The following WBP4 variants were observed in gnomAD, a reference collection of about 807,000 sequenced individuals.
WBP4 encodes WW domain-binding protein 4.
Under a neutral mutation model 55.4 loss-of-function variants are expected in WBP4, and 37 were observed. The observed-to-expected ratio is 0.67, with a 90% CI of 0.51 to 0.88. The LOEUF (loss-of-function observed/expected upper bound fraction) is 0.88, where lower values mean the gene tolerates loss of function less well. Among genes scored for constraint, WBP4 ranks in the 40% least tolerant of loss-of-function variants. The pLI, the probability that WBP4 is intolerant of heterozygous loss-of-function variation, is 0.00. For missense variants in WBP4, 398 were observed against 420.8 expected (o/e 0.95, Z 0.47); for synonymous variants, 142 against 140.2 (o/e 1.01, Z -0.09).
intron 2 of WBP4, among the ~76,000 whole-genome samples, chr13:41,062,970 A>G (rs1010741586): frequency 6.6e-6 from 1 of 152,180 alleles, no homozygotes; most frequent in African/African-American, 2.4e-5. Flanking sequence ...TGGTCATATC[A>G]TTCATGTTAT....
In WBP4 at chr13:41,076,246, T is replaced by C. The variant is rs756926314; in HGVS notation, c.756+9T>C. The C allele has an allele frequency of 1.3e-6, 2 of 1,558,852 alleles. No homozygotes were observed. Among genetic ancestry groups the C allele is most frequent in the African/African-American group, 1.4e-5 (1 of 71,002 alleles). On this transcript the variant is annotated intron_variant, in intron 8 of 9. Coordinates refer to ENST00000379487, the MANE Select transcript of WBP4 (RefSeq NM_007187.5). ...CAAAAATAAAGTTTAAGGTAGGTTT[T>C]TAAATTTTACTCTTCACATCAAATT...
At chr13:41,068,882 A>G in intron 5 of WBP4, 145 bp downstream of exon 5, 1 of 871,004 alleles carries the variant, frequency 1.1e-6, no homozygotes. Flanking sequence ...AAGGTAAGAA[A>G]ACTGTGTGCC....
intron 7 of WBP4, 120 bp downstream of exon 7, chr13:41,072,977 A>T: frequency 1.5e-6 from 1 of 689,316 alleles, no homozygotes; most frequent in Non-Finnish European, 2.3e-6. Context: ...TTTGTGTAGT[A>T]AACATGAATT....
chr13:41,071,690 C>CG (rs1878253492), intron 6 of WBP4, 117 bp downstream of exon 6: 1 of 881,130 alleles, frequency 1.1e-6, no homozygotes, highest in African/African-American at 1.7e-5. Flanking sequence ...CCCTCCACCC[C>CG]CAAACTGTGT....
chr13:41,063,094 C>T (rs1483384869), intron 2 of WBP4, among the ~76,000 whole-genome samples: 1 of 152,086 alleles, frequency 6.6e-6, no homozygotes, highest in African/African-American at 2.4e-5. Flanking sequence ...ATTTTGTGGT[C>T]TAGAAATAAT....
intron 1 of WBP4, 125 bp from the exon 2 acceptor site, chr13:41,062,519 A>G (rs982508488): frequency 1.6e-5 from 14 of 863,816 alleles, no homozygotes; most frequent in Admixed American, 9.1e-5. Flanking sequence ...TAAAACGACT[A>G]TACATAACAA....
intron 6 of WBP4, among the ~76,000 whole-genome samples, chr13:41,071,812 G>A (rs1878258279): frequency 1.3e-5 from 2 of 152,036 alleles, no homozygotes; most frequent in Non-Finnish European, 2.9e-5. Context: ...GGAGGCTGAG[G>A]CATGTGGATC....
At chr13:41,079,387 T>G (rs1045213995) in intron 8 of WBP4, among the ~76,000 whole-genome samples, 4 of 151,972 alleles carry the variant, frequency 2.6e-5, no homozygotes, top group Non-Finnish European at 4.4e-5. Context: ...CTAACCAACA[T>G]GGTGAAACCC....
At position 41,067,142 on chromosome 13, in the gene WBP4, C is replaced by T. The variant is rs117152619; in HGVS notation, c.263-1419C>T. On this transcript the variant is annotated intron_variant, in intron 4 of 9. Coordinates refer to ENST00000379487, the MANE Select transcript of WBP4 (RefSeq NM_007187.5). ...AGTCCCAGCGATTTTTTGGTAGAGACGGGGTCTTGCCATGTTGCCCAGGCT... is the reference window on the plus strand; with the variant it reads ...AGTCCCAGCGATTTTTTGGTAGAGATGGGGTCTTGCCATGTTGCCCAGGCT... Among the ~76,000 whole-genome samples the T allele has an allele frequency of 2.8e-3, 428 of 152,172 alleles. 2 individuals are homozygous for T. The highest frequency in any genetic ancestry group is 4.4e-3 in the South Asian group (21 of 4,816).
chr13:41,062,377 G>T, intron 1 of WBP4: 3 of 852,208 alleles, frequency 3.5e-6, no homozygotes, highest in Non-Finnish European at 4.2e-6. Context: ...TTTTCATAAC[G>T]ATGACGATAA....
chr13:41,072,900 C>T (rs1471225617), intron 7 of WBP4, 43 bp downstream of exon 7: 1 of 1,502,106 alleles, frequency 6.7e-7, no homozygotes, highest in East Asian at 2.3e-5. Flanking sequence ...AAAATTGTAC[C>T]TGGAACTGCT....
At position 41,065,424 on chromosome 13, in the gene WBP4, G is replaced by A. The variant is rs970887325; in HGVS notation, c.262+137G>A. 5 of 1,245,430 alleles carry A rather than the reference G, an allele frequency of 4.0e-6. No homozygotes were observed. In the African/African-American group the frequency reaches 4.6e-5, roughly 11 times the overall value. 77.1% of individuals were successfully genotyped at this position (1,245,430 alleles called of 1,614,324 possible). ...CTCAGTGCTTTTATTATGCATCATA[G>A]CCCTGTTTAGACTATGGAAGTTTGC... On this transcript the variant is annotated intron_variant, in intron 4 of 9. Coordinates refer to ENST00000379487, the MANE Select transcript of WBP4 (RefSeq NM_007187.5).
In WBP4 at chr13:41,062,447, A is replaced by AGACTTTTTCTACTCC. The variant is rs1420462725; in HGVS notation, c.3-195_3-181dup. 4.1e-4 allele frequency among the ~76,000 whole-genome samples: 62 copies of AGACTTTTTCTACTCC among 152,316 alleles called. 1 individual carries two copies. Among genetic ancestry groups the AGACTTTTTCTACTCC allele is most frequent in the Middle Eastern group, 6.8e-3 (2 of 294 alleles). On this transcript the variant is annotated intron_variant, in intron 1 of 9. Transcript: ENST00000379487. ...GGGAGTTTTGTAATGAATCAGATAC[A>AGACTTTTTCTACTCC]GACTTTTTCTACTCCGCTGGCAACA...
intron 9 of WBP4, among the ~76,000 whole-genome samples, 178 bp from the exon 10 acceptor site, chr13:41,082,526 C>G (rs1269806490): frequency 6.6e-6 from 1 of 152,136 alleles, no homozygotes; most frequent in Non-Finnish European, 1.5e-5. Context: ...CAGCATTTAT[C>G]CACCTGAATA....
chr13:41,079,489 C>T (rs1361443299), intron 8 of WBP4, among the ~76,000 whole-genome samples: 2 of 146,116 alleles, frequency 1.4e-5, no homozygotes, highest in East Asian at 4.0e-4. Flanking sequence ...TTGCAGTAAG[C>T]CAAGATCATG....
intron 8 of WBP4, among the ~76,000 whole-genome samples, chr13:41,077,893 T>C (rs1878574494): frequency 6.6e-6 from 1 of 151,696 alleles, no homozygotes; most frequent in Non-Finnish European, 1.5e-5. Context: ...CAATCCCATT[T>C]GTGGTAACTA....
Position 41,076,027 on chromosome 13 carries a change from T to C in WBP4, c.563-17T>C. The stretch of plus-strand genomic sequence containing the variant: ...AATTAATAACTAAATAACATGACTT[T>C]AAAATGTGTTGAGCAGAATCCAGAT... On this transcript the variant is annotated splice_polypyrimidine_tract_variant and intron_variant, in intron 7 of 9. Transcript: ENST00000379487. 1.9e-6 allele frequency: 3 copies of C among 1,602,680 alleles called. No individual in the cohort carries two copies. The highest frequency in any genetic ancestry group is 1.1e-5 in the South Asian group (1 of 88,320).
At chr13:41,066,195 C>T (rs561458126) in intron 4 of WBP4, among the ~76,000 whole-genome samples, 2 of 152,140 alleles carry the variant, frequency 1.3e-5, no homozygotes, top group South Asian at 4.2e-4. Context: ...GATGAGAGTC[C>T]AACTATTATC....
In WBP4 at chr13:41,083,908, A is replaced by T. The variant is rs1056808842; in HGVS notation, c.*994A>T. On this transcript the variant is annotated 3_prime_UTR_variant, in exon 10 of 10. Coordinates refer to ENST00000379487, the MANE Select transcript of WBP4 (RefSeq NM_007187.5). Reference sequence around the variant, plus strand: ...AAATTCACAAAATTACATTTCTCATAAATTGTATAGTATTTAACTTATAAT... The same window carrying T: ...AAATTCACAAAATTACATTTCTCATTAATTGTATAGTATTTAACTTATAAT... The T allele has an allele frequency of 6.6e-6, 1 of 152,188 alleles. No individual in the cohort carries two copies. The highest frequency in any genetic ancestry group is 2.4e-5 in the African/African-American group (1 of 41,454). 9.4% of individuals were successfully genotyped at this position (152,188 alleles called of 1,614,324 possible).
Sources: gnomAD v4.1 joint callset for allele counts (sites outside exome capture counted in the v4.1 genomes callset) on GRCh38, gnomAD v4.1.1 for gene constraint, MANE v1.5 for transcripts, NCBI Gene and HGNC (gene_info 2026-07-23, HGNC 2026-07-21) for gene names.